Variants in DOCK4 observed in about 807,000 individuals in gnomAD.
The protein encoded by DOCK4 is dedicator of cytokinesis protein 4.
A neutral mutation model predicts 268.1 loss-of-function variants in DOCK4; 97 were observed. The ratio of observed to expected loss-of-function variants is 0.36; its 90% CI spans 0.31 to 0.43. The LOEUF (loss-of-function observed/expected upper bound fraction) is 0.43, where lower values mean the gene tolerates loss of function less well. DOCK4 is among the 20% of genes least tolerant of loss of function. The pLI, the probability that DOCK4 is intolerant of heterozygous loss-of-function variation, is 1.00. For missense variants in DOCK4, 2,145 were observed against 2,455.7 expected (o/e 0.87, Z 2.67); for synonymous variants, 954 against 887.2 (o/e 1.08, Z -1.34).
At chr7:111,779,613 GAACTCCTGACCTCAACTGATCCACCT>G (rs1213830282) in intron 35 of DOCK4, among the ~76,000 whole-genome samples, 1 of 152,022 alleles carries the variant, frequency 6.6e-6, no homozygotes, top group African/African-American at 2.4e-5. Context: ...GGCTAGTCTC[GAACTCCTGACCTCAACTGATCCACCT>G]GCCTCGGCCT....
At chr7:111,846,639 T>G (rs1804131357) in intron 24 of DOCK4, among the ~76,000 whole-genome samples, 1 of 151,940 alleles carries the variant, frequency 6.6e-6, no homozygotes, top group African/African-American at 2.4e-5. Flanking sequence ...GAAGTAGCCT[T>G]TCACAGAATG....
intron 8 of DOCK4, among the ~76,000 whole-genome samples, chr7:111,959,584 A>G (rs1796706590): frequency 2.0e-5 from 3 of 152,246 alleles, no homozygotes; most frequent in Admixed American, 1.3e-4. Context: ...TAGCATACAT[A>G]CACAAAAATA....
intron 39 of DOCK4, among the ~76,000 whole-genome samples, chr7:111,762,325 T>C (rs1797459841): frequency 1.3e-5 from 2 of 152,220 alleles, no homozygotes; most frequent in African/African-American, 4.8e-5. Flanking sequence ...TTTCAGAATC[T>C]TTTCATCATG....
At chr7:112,137,482 T>C (rs903184550) in intron 1 of DOCK4, among the ~76,000 whole-genome samples, 3 of 152,234 alleles carry the variant, frequency 2.0e-5, no homozygotes, top group Admixed American at 6.5e-5. Context: ...CATTTTTCCA[T>C]CTATTCTAAG....
intron 27 of DOCK4, among the ~76,000 whole-genome samples, chr7:111,814,307 T>G (rs998068372): frequency 6.6e-6 from 1 of 152,184 alleles, no homozygotes; most frequent in East Asian, 1.9e-4. Flanking sequence ...GGCCTTACTA[T>G]GGAACAGTTG....
intron 1 of DOCK4, among the ~76,000 whole-genome samples, chr7:112,050,054 A>C (rs1299731330): frequency 6.6e-6 from 1 of 152,158 alleles, no homozygotes; most frequent in East Asian, 1.9e-4. Context: ...CTGTCTCAAC[A>C]CCTAGCATGA....
Position 111,940,209 on chromosome 7 carries a change from C to T in DOCK4, c.878G>A (p.Cys293Tyr), listed in dbSNP as rs200796442. Residue 293 changes from cysteine (C) to tyrosine (Y), a missense_variant, in exon 11 of 53, where the codon TGT (cysteine) becomes TAT (tyrosine). This residue lies in a region of DOCK4 where 1,598 missense variants were observed against 1,986.7 expected (regional missense o/e 0.80). Transcript: ENST00000428084. ...AAAGGGTCGTCGGTACTGGACACTACAGGCATTCTTTTTTTCTCCTGCTCC... is the reference window on the plus strand; with the variant it reads ...AAAGGGTCGTCGGTACTGGACACTATAGGCATTCTTTTTTTCTCCTGCTCC... ...RMGAGEKKNA[C>Y]SVQYRRPFGC... 18 of 1,614,012 alleles carry T rather than the reference C, an allele frequency of 1.1e-5. No homozygotes were observed. In the African/African-American group the frequency reaches 2.1e-4, roughly 19 times the overall value.
At chr7:112,157,211 A>C (rs1272244992) in intron 1 of DOCK4, among the ~76,000 whole-genome samples, 2 of 152,158 alleles carry the variant, frequency 1.3e-5, no homozygotes, top group Non-Finnish European at 2.9e-5. Flanking sequence ...GTGGGAGGAC[A>C]ACAGCTCAAA....
At chr7:112,200,740 A>AAAAAT (rs1353004884) in intron 1 of DOCK4, among the ~76,000 whole-genome samples, 1 of 76,506 alleles carries the variant, frequency 1.3e-5, no homozygotes, top group Non-Finnish European at 2.5e-5. Flanking sequence ...AAAAAAAAAC[A>AAAAAT]AAAAAAAACA....
intron 1 of DOCK4, among the ~76,000 whole-genome samples, chr7:112,073,778 T>G (rs2135682021): frequency 6.6e-6 from 1 of 152,244 alleles, no homozygotes; most frequent in South Asian, 2.1e-4. Context: ...AGGAGGGTAC[T>G]GGGAGAAGTT....
At chr7:112,183,868 C>T (rs961577668) in intron 1 of DOCK4, among the ~76,000 whole-genome samples, 2 of 152,212 alleles carry the variant, frequency 1.3e-5, no homozygotes, top group African/African-American at 4.8e-5. Flanking sequence ...TTTGCTTTTG[C>T]TGTTTCTTTA....
intron 12 of DOCK4, among the ~76,000 whole-genome samples, chr7:111,929,531 T>C (rs1407705958): frequency 6.6e-6 from 1 of 152,318 alleles, no homozygotes; most frequent in East Asian, 1.9e-4. Context: ...TGTTCAAAAA[T>C]CAGGTGCACT....
At chr7:111,866,246 T>C (rs189415042) in intron 22 of DOCK4, among the ~76,000 whole-genome samples, 14 of 152,358 alleles carry the variant, frequency 9.2e-5, no homozygotes, top group African/African-American at 3.1e-4. Context: ...TGGCATTTCT[T>C]GTCTTCCCCA....
In DOCK4 at chr7:112,185,516, G is replaced by A. The variant is rs529995750; in HGVS notation, c.37+20586C>T. Among the ~76,000 whole-genome samples the A allele has an allele frequency of 5.7e-4, 86 of 152,034 alleles. No homozygotes were observed. The Middle Eastern group carries it at 0.017, about 30-fold the overall frequency. On this transcript the variant is annotated intron_variant, in intron 1 of 52. Transcript: ENST00000428084. ...GAATAGGGTAGTATTCTACAAACAG[G>A]AAAGGGATGACTTAAGCATTCAAGT...
chr7:112,195,936 G>A (rs897531124), intron 1 of DOCK4, among the ~76,000 whole-genome samples: 5 of 152,164 alleles, frequency 3.3e-5, no homozygotes, highest in African/African-American at 4.8e-5. Flanking sequence ...ACAAATGGGG[G>A]AGGAGAACAA....
chr7:112,056,790 T>C (rs1024219756), intron 1 of DOCK4, among the ~76,000 whole-genome samples: 2 of 152,216 alleles, frequency 1.3e-5, no homozygotes, highest in Admixed American at 1.3e-4. Flanking sequence ...GTGGTTTTAC[T>C]TTAGTCAGCC....
chr7:112,066,668 TACATATACATATATACATATAC>T (rs1563051715), intron 1 of DOCK4, among the ~76,000 whole-genome samples: 3 of 34,554 alleles, frequency 8.7e-5, no homozygotes, highest in Admixed American at 2.8e-4. Flanking sequence ...ATTATACATA[TACATATACATATATACATATAC>T]ATATATATAT....
intron 12 of DOCK4, 196 bp downstream of exon 12, chr7:111,935,344 T>C (rs560178008): frequency 4.7e-6 from 3 of 644,374 alleles, no homozygotes; most frequent in Non-Finnish European, 8.4e-6. Context: ...ATAGAATACA[T>C]TTTTTATAGG....
intron 1 of DOCK4, among the ~76,000 whole-genome samples, chr7:112,163,274 C>T (rs2116518011): frequency 6.6e-6 from 1 of 151,094 alleles, no homozygotes; most frequent in South Asian, 2.1e-4. Flanking sequence ...CTGCCCTCCT[C>T]CCTCCCCTCC....
Sources: allele counts gnomAD v4.1 joint callset (sites outside exome capture counted in the v4.1 genomes callset), GRCh38; gene constraint gnomAD v4.1.1; regional missense constraint gnomAD v4.1.1; transcripts MANE v1.5; gene names NCBI Gene and HGNC (gene_info 2026-07-23, HGNC 2026-07-21).